Variants in LIPA observed in about 807,000 individuals in gnomAD.
LIPA encodes lysosomal acid lipase/cholesteryl ester hydrolase.
Under a neutral mutation model 40.6 loss-of-function variants are expected in LIPA, and 26 were observed. That is an observed-to-expected ratio of 0.64 (90% CI 0.47 to 0.89). LIPA has a LOEUF of 0.89. Among genes scored for constraint, LIPA ranks in the 40% least tolerant of loss-of-function variants. LIPA has a pLI of 0.00. For synonymous variants in LIPA, 188 were observed against 168.4 expected (o/e 1.12, Z -0.90); for missense variants, 455 against 479.6 (o/e 0.95, Z 0.48).
At chr10:89,318,699 T>C (rs963477785) in intron 1 of LIPA, among the ~76,000 whole-genome samples, 4 of 152,206 alleles carry the variant, frequency 2.6e-5, no homozygotes, top group Admixed American at 2.6e-4. Flanking sequence ...AACTCAGCTC[T>C]GCACCAAGCA....
chr10:89,311,927 T>C (rs1843518735), intron 1 of LIPA, among the ~76,000 whole-genome samples: 1 of 152,170 alleles, frequency 6.6e-6, no homozygotes, highest in Non-Finnish European at 1.5e-5. Context: ...AAGTGTGGAA[T>C]CTGTATGACG....
intron 8 of LIPA, among the ~76,000 whole-genome samples, chr10:89,221,270 A>G (rs554453849): frequency 2.0e-5 from 3 of 152,260 alleles, no homozygotes; most frequent in African/African-American, 7.2e-5. Context: ...CAGGAGAATC[A>G]CATGAAGCTG....
intron 2 of LIPA, among the ~76,000 whole-genome samples, chr10:89,373,334 C>CAAAAAAAAAAAAAAAAAAAAAAAA (rs34479360): frequency 1.6e-5 from 1 of 63,164 alleles, no homozygotes; most frequent in African/African-American, 6.1e-5. Context: ...GACTCCCTCT[C>CAAAAAAAAAAAAAAAAAAAAAAAA]AAAAAAAAAA....
chr10:89,285,856 T>C (rs534211398), intron 1 of LIPA, among the ~76,000 whole-genome samples: 2 of 149,760 alleles, frequency 1.3e-5, no homozygotes, highest in Non-Finnish European at 3.0e-5. Context: ...CCCCCACCCC[T>C]TCTCTCTGTG....
intron 3 of LIPA, among the ~76,000 whole-genome samples, chr10:89,240,598 T>C (rs1182996409): frequency 6.6e-6 from 1 of 152,212 alleles, no homozygotes; most frequent in African/African-American, 2.4e-5. Context: ...TGTTTAATAA[T>C]TGAATAAGTC....
chr10:89,317,023 A>C (rs1589598945), intron 1 of LIPA, among the ~76,000 whole-genome samples: 1 of 152,238 alleles, frequency 6.6e-6, no homozygotes. Flanking sequence ...AAAACTAAAA[A>C]ACAGAAAGGA....
chr10:89,365,769 G>A (rs896778623), intron 2 of LIPA, among the ~76,000 whole-genome samples: 1 of 152,006 alleles, frequency 6.6e-6, no homozygotes, highest in African/African-American at 2.4e-5. Flanking sequence ...GTAGATGTGT[G>A]GTATTATTTC....
chr10:89,320,323 A>C (rs1299628008), intron 1 of LIPA, among the ~76,000 whole-genome samples: 8 of 152,152 alleles, frequency 5.3e-5, no homozygotes, highest in South Asian at 2.1e-4. Context: ...AAAACCCCAT[A>C]GTCTCAGCCC....
chr10:89,370,195 C>A (rs576783866), intron 2 of LIPA, among the ~76,000 whole-genome samples: 1 of 151,920 alleles, frequency 6.6e-6, no homozygotes, highest in African/African-American at 2.4e-5. Flanking sequence ...AGCGGTGGCA[C>A]AGATTTAGAA....
intron 1 of LIPA, chr10:89,302,203 C>T (rs1330666787): frequency 6.7e-6 from 10 of 1,494,402 alleles, no homozygotes; most frequent in Non-Finnish European, 8.4e-6. Context: ...AAGCTATGTT[C>T]CCAAAGAGGG....
At chr10:89,363,792 A>AT (rs1589622422) in intron 2 of LIPA, among the ~76,000 whole-genome samples, 1 of 136,956 alleles carries the variant, frequency 7.3e-6, no homozygotes, top group Non-Finnish European at 1.6e-5. Context: ...AAAAAAAAAA[A>AT]GCGAGGGGGG....
At chr10:89,227,238 G>A (rs964498639) in intron 4 of LIPA, among the ~76,000 whole-genome samples, 1 of 152,154 alleles carries the variant, frequency 6.6e-6, no homozygotes, top group African/African-American at 2.4e-5. Context: ...AGTTTCGCCT[G>A]TTTTTAAATA....
rs1411414151 is a variant in LIPA, at chr10:89,350,234, A to T, written c.61+62557T>A. Among the ~76,000 whole-genome samples the T allele has an allele frequency of 3.9e-5, 6 of 151,994 alleles. No homozygotes were observed. The East Asian group carries it at 1.2e-3, about 29-fold the overall frequency. The stretch of plus-strand genomic sequence containing the variant: ...GACTGATGGGGTTCAGGAGGATATG[A>T]TATTTATTAATTATTTAGGTGCACC... On this transcript the variant is annotated intron_variant, in intron 2 of 8. Transcript: ENST00000371837.
chr10:89,372,803 C>T (rs775277597), intron 2 of LIPA, among the ~76,000 whole-genome samples: 25 of 152,350 alleles, frequency 1.6e-4, no homozygotes, highest in African/African-American at 6.0e-4. Context: ...AACATCTTCA[C>T]CTCTTCTCAT....
At chr10:89,248,630 A>G (rs1006288795) in intron 1 of LIPA, among the ~76,000 whole-genome samples, 18 of 148,314 alleles carry the variant, frequency 1.2e-4, no homozygotes, top group African/African-American at 4.0e-4. Context: ...GCCCGCCACC[A>G]CGCCCGGCAA....
chr10:89,316,211 T>C (rs1327906144), intron 1 of LIPA, among the ~76,000 whole-genome samples: 2 of 152,146 alleles, frequency 1.3e-5, no homozygotes, highest in African/African-American at 2.4e-5. Context: ...TTCATCTCAC[T>C]GGGGCTTGTC....
chr10:89,386,971 G>T (rs998110964), intron 2 of LIPA, among the ~76,000 whole-genome samples: 1 of 77,936 alleles, frequency 1.3e-5, no homozygotes, highest in Admixed American at 1.3e-4. Context: ...GTGTGTGTGT[G>T]TGAGAGAGAG....
chr10:89,324,805 T>C (rs984687105), intron 1 of LIPA, among the ~76,000 whole-genome samples: 4 of 152,192 alleles, frequency 2.6e-5, no homozygotes, highest in Non-Finnish European at 4.4e-5. Flanking sequence ...TGTGATATTT[T>C]GCTGAAAATG....
At chr10:89,331,284 C>T (rs34712773) in intron 1 of LIPA, among the ~76,000 whole-genome samples, 37,892 of 151,982 alleles carry the variant, frequency 0.25, 5,033 homozygotes, top group African/African-American at 0.32. Context: ...GGGATTCTCC[C>T]ACCCAGCCTC....
Sources: gnomAD v4.1 joint callset for allele counts (sites outside exome capture counted in the v4.1 genomes callset) on GRCh38, gnomAD v4.1.1 for gene constraint, MANE v1.5 for transcripts, NCBI Gene and HGNC (gene_info 2026-07-23, HGNC 2026-07-21) for gene names.